The following PRKCD variants were observed in gnomAD, a reference collection of about 807,000 sequenced individuals.
PRKCD encodes protein kinase C delta type.
Under a neutral mutation model 82.2 loss-of-function variants are expected in PRKCD, and 20 were observed. The ratio of observed to expected loss-of-function variants is 0.24; its 90% CI spans 0.17 to 0.35. The LOEUF (loss-of-function observed/expected upper bound fraction) is 0.35, where lower values mean the gene tolerates loss of function less well. Among genes scored for constraint, PRKCD ranks in the 10% least tolerant of loss-of-function variants. The pLI, the probability that PRKCD is intolerant of heterozygous loss-of-function variation, is 1.00. For missense variants in PRKCD, 607 were observed against 899.0 expected (o/e 0.68, Z 4.15); for synonymous variants, 317 against 337.0 (o/e 0.94, Z 0.65).
chr3:53,184,825 C>A (rs377760765), intron 9 of PRKCD, 49 bp from the exon 10 acceptor site: 1 of 1,545,680 alleles, frequency 6.5e-7, no homozygotes, highest in South Asian at 1.1e-5. Flanking sequence ...CTGCCCCCTG[C>A]CCTTGGCTGA....
intron 18 of PRKCD, among the ~76,000 whole-genome samples, chr3:53,191,744 A>G (rs1703932593): frequency 6.6e-6 from 1 of 152,244 alleles, no homozygotes; most frequent in African/African-American, 2.4e-5. Flanking sequence ...TCATGTCATG[A>G]AATATTTTTC....
intron 9 of PRKCD, 40 bp downstream of exon 9, chr3:53,183,621 C>A: frequency 6.2e-7 from 1 of 1,608,252 alleles, no homozygotes; most frequent in South Asian, 1.1e-5. Flanking sequence ...GAGGGGCACT[C>A]CCAGCTGGTG....
Position 53,169,645 on chromosome 3 carries a change from G to T in PRKCD, c.-20+4430G>T, listed in dbSNP as rs544594573. ...AGGATCCCAGGGTCCTCCAGTGTCA[G>T]GGCTGGAGAAAGCTTAGAGGTCTCC... On this transcript the variant is annotated intron_variant, in intron 2 of 18. Coordinates refer to ENST00000330452, the MANE Select transcript of PRKCD (RefSeq NM_006254.4). The surrounding 1 kb of genome is among the most constrained non-coding windows in gnomAD (Gnocchi z 4.7). Among the ~76,000 whole-genome samples, 5 of 152,268 alleles carry T rather than the reference G, an allele frequency of 3.3e-5. No individual in the cohort carries two copies. In the East Asian group the frequency reaches 7.7e-4, roughly 24 times the overall value.
chr3:53,171,689 G>T (rs1237479377), intron 2 of PRKCD, among the ~76,000 whole-genome samples: 1 of 152,248 alleles, frequency 6.6e-6, no homozygotes, highest in Non-Finnish European at 1.5e-5. Flanking sequence ...CTTCTGAGCT[G>T]CCTGGAAGGA....
At chr3:53,181,108 T>G (rs1265056056) in intron 4 of PRKCD, 99 bp from the exon 5 acceptor site, 17 of 1,344,670 alleles carry the variant, frequency 1.3e-5, no homozygotes, top group Non-Finnish European at 1.7e-5. Context: ...GGGGCTGCCT[T>G]GGCCTTGGGG....
rs782661116 is a variant in PRKCD at position 53,179,716 on chromosome 3, C to T, written c.255C>T (p.Thr85=). 2.1e-5 allele frequency: 33 copies of T among 1,605,012 alleles called. No individual in the cohort carries two copies. Among genetic ancestry groups the T allele is most frequent in the Non-Finnish European group, 2.1e-5 (25 of 1,174,928 alleles). Residue 85 remains threonine, a synonymous_variant, in exon 4 of 19, where the codon ACC becomes ACT. Coordinates refer to ENST00000330452, the MANE Select transcript of PRKCD (RefSeq NM_006254.4). ...CAGAGGAGCCAGTGTCTGAGGTGACCGTGGGTGTGTCGGTGCTGGCCGAGC... is the reference window on the plus strand; with the variant it reads ...CAGAGGAGCCAGTGTCTGAGGTGACTGTGGGTGTGTCGGTGCTGGCCGAGC... The part of the protein sequence containing the change: ...RAAEEPVSEV[T]VGVSVLAERC...
intron 8 of PRKCD, 60 bp from the exon 9 acceptor site, chr3:53,183,392 G>T: frequency 6.2e-7 from 1 of 1,606,310 alleles, no homozygotes; most frequent in Non-Finnish European, 8.5e-7. Flanking sequence ...GAGAGCTAGG[G>T]GTTGAAGAAG....
chr3:53,188,439 C>A (rs1703794745), intron 15 of PRKCD, among the ~76,000 whole-genome samples: 1 of 152,176 alleles, frequency 6.6e-6, no homozygotes, highest in Non-Finnish European at 1.5e-5. Context: ...CTGCTGCTGA[C>A]TGCTAGGGGA....
intron 2 of PRKCD, among the ~76,000 whole-genome samples, chr3:53,176,219 A>G (rs1164659074): frequency 6.6e-6 from 1 of 152,130 alleles, no homozygotes; most frequent in Non-Finnish European, 1.5e-5. Flanking sequence ...ATGAGCTTGC[A>G]CACCCACTCT....
chr3:53,187,281 G>A, intron 14 of PRKCD, 59 bp from the exon 15 acceptor site: 1 of 1,595,506 alleles, frequency 6.3e-7, no homozygotes, highest in East Asian at 2.2e-5. Context: ...AGGGCCCGAG[G>A]AGAAGCAGAG....
intron 8 of PRKCD, 96 bp downstream of exon 8, chr3:53,183,302 C>T: frequency 6.4e-7 from 1 of 1,562,120 alleles, no homozygotes; most frequent in East Asian, 2.3e-5. Context: ...GGAGCTTACC[C>T]TCCCTCCCCA....
In PRKCD at chr3:53,188,978, T is replaced by C. The variant is rs1703818275; in HGVS notation, c.1555-80T>C. 6 of 1,570,784 alleles carry C rather than the reference T, an allele frequency of 3.8e-6. No homozygotes were observed. In the East Asian group the frequency reaches 1.1e-4, roughly 29 times the overall value. On this transcript the variant is annotated intron_variant, in intron 16 of 18. Coordinates refer to ENST00000330452, the MANE Select transcript of PRKCD (RefSeq NM_006254.4). ...CCAAAGCCCATAGGCTGAGGCGGCCTGGCTAGGCTTCGTGCCCAGGGGCCC... is the reference window on the plus strand; with the variant it reads ...CCAAAGCCCATAGGCTGAGGCGGCCCGGCTAGGCTTCGTGCCCAGGGGCCC...
In PRKCD at chr3:53,178,367, C is replaced by T. The variant is rs2306570; in HGVS notation, c.-19-37C>T. 226,804 of 1,468,282 alleles carry T rather than the reference C, an allele frequency of 0.15. 19,225 individuals are homozygous for T. The highest frequency in any genetic ancestry group is 0.17 in the Non-Finnish European group (184,929 of 1,065,888). The allele number at this position is 1,468,282 out of a possible 1,614,324, so 91.0% of individuals were successfully genotyped here. A position where few individuals can be genotyped will look rare whatever the true frequency, so the allele number is the denominator to read the frequency against. On this transcript the variant is annotated intron_variant, in intron 2 of 18. Transcript: ENST00000330452. ...TGCCCGTGACTGTTCCCGCTGGTCC[C>T]GCCCGGCCGCCTGGCCTCACCCCTC...
At position 53,178,390 on chromosome 3, in the gene PRKCD, C is replaced by A; in HGVS notation, c.-19-14C>A. The A allele has an allele frequency of 6.3e-7, 1 of 1,588,682 alleles. No homozygotes were observed. Among genetic ancestry groups the A allele is most frequent in the Non-Finnish European group, 8.6e-7 (1 of 1,162,914 alleles). On this transcript the variant is annotated splice_polypyrimidine_tract_variant and intron_variant, in intron 2 of 18. Transcript: ENST00000330452. ...CCCGCCCGGCCGCCTGGCCTCACCC[C>A]TCTGTGTGCACAGCCCCACTGCAGG... is the stretch of plus-strand genomic sequence containing the variant.
At chr3:53,166,704 C>T (rs782105494) in intron 2 of PRKCD, among the ~76,000 whole-genome samples, 7 of 152,262 alleles carry the variant, frequency 4.6e-5, no homozygotes, top group Non-Finnish European at 1.0e-4. Flanking sequence ...ACAGCCCAGT[C>T]AGGTCGCCTG....
chr3:53,163,360 G>C (rs1424660092), intron 1 of PRKCD, among the ~76,000 whole-genome samples: 4 of 151,770 alleles, frequency 2.6e-5, no homozygotes, highest in African/African-American at 4.8e-5. Flanking sequence ...GGGAGGGAAG[G>C]TGAGAGCCCA....
chr3:53,170,721 G>C (rs1278617755), intron 2 of PRKCD, among the ~76,000 whole-genome samples: 1 of 152,260 alleles, frequency 6.6e-6, no homozygotes, highest in Non-Finnish European at 1.5e-5. Context: ...GGAAAAAGCT[G>C]CATTTGGACT....
intron 7 of PRKCD, among the ~76,000 whole-genome samples, chr3:53,182,273 ATT>A (rs35139478): frequency 0.22 from 32,565 of 147,722 alleles, 3,696 homozygotes; most frequent in African/African-American, 0.27. Flanking sequence ...CTCATCTATA[ATT>A]TTTTTTTTTT....
chr3:53,172,343 C>T (rs1176553748), intron 2 of PRKCD, among the ~76,000 whole-genome samples: 1 of 152,130 alleles, frequency 6.6e-6, no homozygotes, highest in East Asian at 1.9e-4. Context: ...CACCTGCCTA[C>T]CCAACCTGGC....
Sources: allele counts gnomAD v4.1 joint callset (sites outside exome capture counted in the v4.1 genomes callset), GRCh38; gene constraint gnomAD v4.1.1; non-coding constraint Gnocchi (gnomAD v3.1); transcripts MANE v1.5; gene names NCBI Gene and HGNC (gene_info 2026-07-23, HGNC 2026-07-21).